The following NAALADL2 variants were observed in gnomAD, a reference collection of about 807,000 sequenced individuals.
The protein encoded by NAALADL2 is inactive N-acetylated-alpha-linked acidic dipeptidase-like protein 2.
NAALADL2 carries 76 observed loss-of-function variants against 87.2 expected under a neutral mutation model. The ratio of observed to expected loss-of-function variants is 0.87; its 90% CI spans 0.72 to 1.05. The LOEUF is 1.05. Ranked by LOEUF, NAALADL2 falls within the 50% of genes least tolerant of loss-of-function variation. The pLI is 0.00. For synonymous variants in NAALADL2, 354 were observed against 331.0 expected, an observed-to-expected ratio of 1.07 and a Z score of -0.75; for missense variants, 1,089 against 945.8, an observed-to-expected ratio of 1.15 and a Z score of -1.99.
intron 11 of NAALADL2, among the ~76,000 whole-genome samples, chr3:175,643,561 T>G (rs977030746): frequency 6.6e-5 from 10 of 152,164 alleles, no homozygotes; most frequent in Admixed American, 5.2e-4. Flanking sequence ...GTAGGTGCTA[T>G]CCTGGATTTA....
chr3:174,937,120 T>C (rs1334466291), intron 1 of NAALADL2, among the ~76,000 whole-genome samples: 1 of 152,074 alleles, frequency 6.6e-6, no homozygotes, highest in Non-Finnish European at 1.5e-5. Context: ...AAAATGATCC[T>C]GTCAAATTGC....
chr3:175,508,483 A>C (rs1730662751), intron 9 of NAALADL2, among the ~76,000 whole-genome samples: 1 of 152,202 alleles, frequency 6.6e-6, no homozygotes, highest in South Asian at 2.1e-4. Context: ...CCATTTACTT[A>C]ATTTAATATC....
At chr3:174,581,670 A>G (rs1043342776) in intron 2 of NAALADL2, among the ~76,000 whole-genome samples, 8 of 152,210 alleles carry the variant, frequency 5.3e-5, no homozygotes, top group Non-Finnish European at 1.0e-4. Context: ...CCGCATTTTT[A>G]GAGACTCTCC....
chr3:174,560,648 T>TA (rs754440691), intron 2 of NAALADL2, among the ~76,000 whole-genome samples: 11 of 152,328 alleles, frequency 7.2e-5, no homozygotes, highest in Non-Finnish European at 1.3e-4. Context: ...TTTTTGTAAT[T>TA]ACCTTTAGTG....
chr3:175,492,469 A>C (rs2149347654), intron 9 of NAALADL2, among the ~76,000 whole-genome samples: 1 of 152,328 alleles, frequency 6.6e-6, no homozygotes, highest in South Asian at 2.1e-4. Flanking sequence ...TAAGATGATA[A>C]GTGCCATTCA....
At chr3:174,867,272 C>A (rs10513724) in intron 1 of NAALADL2, among the ~76,000 whole-genome samples, 7,246 of 151,992 alleles carry the variant, frequency 0.048, 589 homozygotes, top group African/African-American at 0.17. Flanking sequence ...ACACACCAAG[C>A]TGATCCGCTA....
chr3:175,268,115 T>C (rs1046256211), intron 4 of NAALADL2, among the ~76,000 whole-genome samples: 31 of 152,276 alleles, frequency 2.0e-4, no homozygotes, highest in African/African-American at 6.7e-4. Context: ...TTAGATGATT[T>C]CGTTGTTGTT....
At chr3:174,971,699 G>C (rs1228286623) in intron 1 of NAALADL2, among the ~76,000 whole-genome samples, 4 of 151,198 alleles carry the variant, frequency 2.6e-5, no homozygotes, top group Admixed American at 2.6e-4. Flanking sequence ...GTGTGTGTGT[G>C]TGTTTAGTTT....
intron 6 of NAALADL2, among the ~76,000 whole-genome samples, chr3:175,449,319 A>G (rs1448091699): frequency 3.3e-5 from 5 of 151,752 alleles, no homozygotes; most frequent in Non-Finnish European, 7.4e-5. Context: ...GGCTCAAGCA[A>G]TCCTCCTGCT....
chr3:175,216,037 G>A (rs1742464219), intron 2 of NAALADL2, among the ~76,000 whole-genome samples: 1 of 152,114 alleles, frequency 6.6e-6, no homozygotes, highest in Non-Finnish European at 1.5e-5. Flanking sequence ...GTGCCAATTT[G>A]TAATCATCCT....
intron 5 of NAALADL2, among the ~76,000 whole-genome samples, chr3:175,401,154 G>A (rs1307511906): frequency 1.3e-5 from 2 of 152,086 alleles, no homozygotes; most frequent in East Asian, 1.9e-4. Context: ...AGAAGGCCAG[G>A]TGGGGTTGAA....
intron 2 of NAALADL2, 30 bp from the exon 3 acceptor site, chr3:175,233,900 TA>T: frequency 7.5e-7 from 1 of 1,340,786 alleles, no homozygotes; most frequent in Non-Finnish European, 1.0e-6. Flanking sequence ...TTCTCCTTTT[TA>T]AAAAAGTTTT....
At chr3:175,705,994 C>A (rs958792811) in intron 11 of NAALADL2, among the ~76,000 whole-genome samples, 10 of 152,194 alleles carry the variant, frequency 6.6e-5, no homozygotes, top group South Asian at 6.2e-4. Context: ...CAAATAATAA[C>A]CTTGTATTTG....
intron 2 of NAALADL2, among the ~76,000 whole-genome samples, chr3:174,577,431 A>G (rs757883530): frequency 7.9e-5 from 12 of 152,158 alleles, no homozygotes; most frequent in Non-Finnish European, 1.5e-4. Flanking sequence ...AGTAGACAGA[A>G]ACTGGGGATA....
chr3:175,134,339 G>A (rs570730239), intron 2 of NAALADL2, among the ~76,000 whole-genome samples: 6 of 152,132 alleles, frequency 3.9e-5, no homozygotes, highest in Admixed American at 6.5e-5. Flanking sequence ...ATTTGTGCAC[G>A]TTTCTATTGT....
At chr3:174,720,171 G>A (rs545920475) in intron 2 of NAALADL2, among the ~76,000 whole-genome samples, 197 of 151,980 alleles carry the variant, frequency 1.3e-3, no homozygotes, top group African/African-American at 4.4e-3. Context: ...TTTATTTTAC[G>A]TCAAACAAGG....
chr3:175,501,616 T>C (rs947621244), intron 9 of NAALADL2, among the ~76,000 whole-genome samples: 14 of 152,064 alleles, frequency 9.2e-5, no homozygotes, highest in Admixed American at 3.3e-4. Context: ...GTTTTGAGCC[T>C]TAGTGATTGA....
chr3:174,787,595 A>ACGTG lies in NAALADL2; in HGVS notation c.-9+49849_-9+49850insCGTG, dbSNP rs1317637725. Reference sequence around the variant, plus strand: ...TATCATCATATATATATATATATATATATATATATATATATATATATATAT... The same window carrying ACGTG: ...TATCATCATATATATATATATATATACGTGTATATATATATATATATATATATAT... On this transcript the variant is annotated intron_variant, in intron 3 of 3. Coordinates refer to the NAALADL2 transcript ENST00000434257. Among the ~76,000 whole-genome samples, 4 of 73,726 alleles carry ACGTG rather than the reference A, an allele frequency of 5.4e-5. 1 individual carries two copies. Among genetic ancestry groups the ACGTG allele is most frequent in the Admixed American group, 1.3e-4 (1 of 7,468 alleles). The allele number at this position is 73,726 out of a possible 152,430, so 48.4% of individuals were successfully genotyped here.
At chr3:175,680,293 G>A (rs150876634) in intron 11 of NAALADL2, among the ~76,000 whole-genome samples, 2,911 of 152,100 alleles carry the variant, frequency 0.019, 103 homozygotes, top group African/African-American at 0.067. Flanking sequence ...TTCCTATTTG[G>A]GAGCTCTCAA....
Sources: gnomAD v4.1 joint callset for allele counts (sites outside exome capture counted in the v4.1 genomes callset) on GRCh38, gnomAD v4.1.1 for gene constraint, MANE v1.5 for transcripts, NCBI Gene and HGNC (gene_info 2026-07-23, HGNC 2026-07-21) for gene names.